Variants in OR56A3 observed in about 807,000 individuals in gnomAD.
OR56A3 encodes the protein olfactory receptor 56A3.
A neutral mutation model predicts 17.5 loss-of-function variants in OR56A3; 23 were observed. The ratio of observed to expected loss-of-function variants is 1.32; its 90% CI spans 0.95 to 1.87. The LOEUF (loss-of-function observed/expected upper bound fraction) is 1.87. Among genes scored for constraint, OR56A3 ranks in the 40% most tolerant of loss-of-function variants. The pLI, the probability that OR56A3 is intolerant of heterozygous loss-of-function variation, is 0.00. For missense variants in OR56A3, 366 were observed against 380.1 expected (o/e 0.96, Z 0.31); for synonymous variants, 175 against 150.6 (o/e 1.16, Z -1.19).
the OR56A3 span, among the ~76,000 whole-genome samples, chr11:5,964,500 A>C: frequency 1.5e-4 from 23 of 152,212 alleles, no homozygotes; most frequent in Non-Finnish European, 1.5e-5. Flanking sequence ...TGGCCAGTGC[A>C]GCAGTGGGTT....
the OR56A3 span, among the ~76,000 whole-genome samples, chr11:6,018,026 ATG>A: frequency 1.9e-3 from 287 of 148,802 alleles, no homozygotes; most frequent in African/African-American, 4.6e-3. Flanking sequence ...TATAACAATT[ATG>A]TGTGTGTGTG....
the OR56A3 span, among the ~76,000 whole-genome samples, chr11:5,990,212 A>G: frequency 2.0e-5 from 3 of 152,234 alleles, no homozygotes; most frequent in South Asian, 6.2e-4. Flanking sequence ...ATGTTGGCTG[A>G]ATAAGTAAAC....
intron 2 of OR56A3, among the ~76,000 whole-genome samples, chr11:5,945,526 G>A (rs1240719031): frequency 6.8e-6 from 1 of 146,878 alleles, no homozygotes; most frequent in Admixed American, 7.0e-5. Context: ...AGGTTGCAGT[G>A]AGCAGAGATC....
the OR56A3 span, among the ~76,000 whole-genome samples, chr11:6,015,949 G>C: frequency 6.6e-6 from 1 of 152,144 alleles, no homozygotes; most frequent in Non-Finnish European, 1.5e-5. Context: ...ATGTGAGAAG[G>C]ACATGAGATT....
At chr11:5,976,443 C>T in the OR56A3 span, among the ~76,000 whole-genome samples, 4 of 151,946 alleles carry the variant, frequency 2.6e-5, no homozygotes, top group African/African-American at 9.7e-5. Context: ...ATTCACATAC[C>T]TTTTGTGTCC....
chr11:5,987,835 CT>C, the OR56A3 span, among the ~76,000 whole-genome samples: 2 of 152,144 alleles, frequency 1.3e-5, no homozygotes, highest in Admixed American at 6.6e-5. Context: ...TTCATAACAT[CT>C]TTCTGCCTTT....
chr11:5,974,134 T>A, the OR56A3 span, among the ~76,000 whole-genome samples: 5 of 147,112 alleles, frequency 3.4e-5, no homozygotes, highest in Admixed American at 1.4e-4. Flanking sequence ...CGAGATGGAG[T>A]CTTGCCGTGT....
the OR56A3 span, among the ~76,000 whole-genome samples, chr11:6,016,842 G>T: frequency 6.8e-6 from 1 of 146,548 alleles, no homozygotes; most frequent in Admixed American, 6.8e-5. Flanking sequence ...AAAAGAAACA[G>T]AAAACTTGGA....
At chr11:5,969,774 G>T in the OR56A3 span, among the ~76,000 whole-genome samples, 1 of 152,138 alleles carries the variant, frequency 6.6e-6, no homozygotes, top group South Asian at 2.1e-4. Flanking sequence ...AAACTTAAAG[G>T]ACCAGAGGAG....
the OR56A3 span, among the ~76,000 whole-genome samples, chr11:6,014,281 A>C: frequency 6.6e-6 from 1 of 152,206 alleles, no homozygotes; most frequent in Non-Finnish European, 1.5e-5. Context: ...TCTCATGTTA[A>C]ATTGTAATCC....
chr11:5,953,205 T>C (rs910578195), downstream of OR56A3, among the ~76,000 whole-genome samples: 36 of 152,224 alleles, frequency 2.4e-4, 1 homozygote, highest in Non-Finnish European at 1.2e-4. Context: ...AATTCTGTTT[T>C]AAGCTCTTTA....
At chr11:5,972,316 A>T in the OR56A3 span, among the ~76,000 whole-genome samples, 40,836 of 152,082 alleles carry the variant, frequency 0.27, 5,775 homozygotes, top group East Asian at 0.47. Flanking sequence ...CTAAATCTTC[A>T]TGCATTCGGT....
At chr11:5,964,053 T>C in the OR56A3 span, among the ~76,000 whole-genome samples, 2 of 152,212 alleles carry the variant, frequency 1.3e-5, no homozygotes, top group African/African-American at 4.8e-5. Context: ...GCATTTCTGA[T>C]TGATTTTTAT....
Position 5,947,832 on chromosome 11 carries a change from C to T in OR56A3, c.486C>T (p.Pro162=), listed in dbSNP as rs780183561. Residue 162 remains proline, a synonymous_variant, in exon 3 of 3, where the codon CCC becomes CCT. Transcript: ENST00000641160. ...ILTRNVLMTL[P]IPILSAQLRY... is the part of the protein sequence containing the mutation. Reference sequence around the variant, plus strand: ...CCAGAAATGTGCTTATGACTCTGCCCATCCCCATCCTTTCAGCACAACTCC... The same window carrying T: ...CCAGAAATGTGCTTATGACTCTGCCTATCCCCATCCTTTCAGCACAACTCC... The T allele has an allele frequency of 3.1e-6, 5 of 1,614,036 alleles. No individual in the cohort carries two copies. The highest frequency in any genetic ancestry group is 1.3e-5 in the African/African-American group (1 of 74,908).
the OR56A3 span, among the ~76,000 whole-genome samples, chr11:5,987,637 A>G: frequency 2.0e-5 from 3 of 152,168 alleles, no homozygotes; most frequent in African/African-American, 7.2e-5. Context: ...ATTTTTAATT[A>G]CATCCCTAGC....
the OR56A3 span, among the ~76,000 whole-genome samples, chr11:5,981,299 A>C: frequency 6.6e-6 from 1 of 152,350 alleles, no homozygotes; most frequent in East Asian, 1.9e-4. Context: ...CAGGGATGTC[A>C]ATCAGTCATA....
the OR56A3 span, among the ~76,000 whole-genome samples, chr11:5,976,168 A>G: frequency 2.4e-3 from 372 of 151,996 alleles, 1 homozygote; most frequent in Non-Finnish European, 4.4e-3. Flanking sequence ...GGAGAGAAGG[A>G]AGGAGGATGG....
chr11:5,947,912 C>G lies in OR56A3; in HGVS notation c.566C>G (p.Ser189Cys), dbSNP rs559463372. 8.1e-6 allele frequency: 13 copies of G among 1,614,064 alleles called. No homozygotes were observed. The highest frequency in any genetic ancestry group is 1.1e-5 in the Non-Finnish European group (13 of 1,180,018). The change falls in exon 3 of 3, where the codon TCC becomes TGC. Residue 189 changes from serine to cysteine, a missense_variant. Physicochemically the swap from Ser to Cys is moderately radical, Grantham distance 112 (BLOSUM62 -1). Transcript: ENST00000641160. ...TGCATCTGTGCCAATATGTCTGTTT[C>G]CAGACTCTCCTGCGATGATGTCACC... ...ENCICANMSV[S>C]RLSCDDVTIN...
chr11:6,008,742 C>T, the OR56A3 span, among the ~76,000 whole-genome samples: 1 of 152,132 alleles, frequency 6.6e-6, no homozygotes, highest in South Asian at 2.1e-4. Flanking sequence ...AAGCCCTATA[C>T]TACATGTTAT....
Sources: allele counts gnomAD v4.1 joint callset (sites outside exome capture counted in the v4.1 genomes callset), GRCh38; gene constraint gnomAD v4.1.1; transcripts MANE v1.5; gene names NCBI Gene and HGNC (gene_info 2026-07-23, HGNC 2026-07-21).